Variants in ABRAXAS2 observed in about 807,000 individuals in gnomAD.
ABRAXAS2 encodes the protein abraxas 2, BRISC complex subunit.
A neutral mutation model predicts 49.0 loss-of-function variants in ABRAXAS2; 23 were observed. The observed-to-expected ratio is 0.47, with a 90% CI of 0.34 to 0.66. ABRAXAS2 has a LOEUF of 0.66. Ranked by LOEUF, ABRAXAS2 falls within the 30% of genes least tolerant of loss-of-function variation. ABRAXAS2 has a pLI of 0.01. For missense variants in ABRAXAS2, 443 were observed against 511.9 expected (o/e 0.87, Z 1.30); for synonymous variants, 168 against 180.2 (o/e 0.93, Z 0.54).
At chr10:124,802,140 C>A (rs932563952) in intron 1 of ABRAXAS2, among the ~76,000 whole-genome samples, 2 of 152,216 alleles carry the variant, frequency 1.3e-5, no homozygotes, top group African/African-American at 2.4e-5. Context: ...CCGGCACAGC[C>A]GTCTCCCGTG....
At chr10:124,822,619 C>T (rs1205865181) in intron 4 of ABRAXAS2, among the ~76,000 whole-genome samples, 1 of 151,924 alleles carries the variant, frequency 6.6e-6, no homozygotes, top group Admixed American at 6.6e-5. Flanking sequence ...ATGGCAAAAC[C>T]CTGTCTCTAC....
rs1393578974 is a variant in ABRAXAS2 at position 124,827,075 on chromosome 10, G to C, written c.458+290G>C. 2.1e-5 allele frequency among the ~76,000 whole-genome samples: 3 copies of C among 141,298 alleles called. No individual in the cohort carries two copies. In the East Asian group the frequency reaches 6.5e-4, roughly 31 times the overall value. 92.7% of individuals were successfully genotyped at this position (141,298 alleles called of 152,430 possible). On this transcript the variant is annotated intron_variant, in intron 5 of 8. Transcript: ENST00000298492. ...GCCACTGCACTCCTGCCTGGCAACA[G>C]AGCAAGAATCCATCTCAAAAAAAAA...
At chr10:124,803,957 A>T (rs1176494824) in intron 1 of ABRAXAS2, among the ~76,000 whole-genome samples, 1 of 152,168 alleles carries the variant, frequency 6.6e-6, no homozygotes, top group Non-Finnish European at 1.5e-5. Flanking sequence ...ATTAGGCTGG[A>T]ATTAGTCCCC....
At chr10:124,829,921 T>C (rs989170237) in intron 7 of ABRAXAS2, among the ~76,000 whole-genome samples, 2 of 152,192 alleles carry the variant, frequency 1.3e-5, no homozygotes, top group African/African-American at 4.8e-5. Context: ...TGTTCACTCC[T>C]AGTCATTTAT....
intron 1 of ABRAXAS2, among the ~76,000 whole-genome samples, chr10:124,804,916 G>T (rs1950730523): frequency 1.3e-5 from 2 of 151,608 alleles, no homozygotes; most frequent in Admixed American, 6.6e-5. Context: ...GTTTCTCCAT[G>T]TTGGCCAGGC....
chr10:124,815,749 C>T (rs1393556823), intron 2 of ABRAXAS2, among the ~76,000 whole-genome samples: 1 of 152,122 alleles, frequency 6.6e-6, no homozygotes, highest in Non-Finnish European at 1.5e-5. Context: ...TCCCTTGGTA[C>T]TGACCATCTT....
chr10:124,805,538 T>G (rs906102770), intron 1 of ABRAXAS2, among the ~76,000 whole-genome samples: 7 of 152,214 alleles, frequency 4.6e-5, no homozygotes, highest in Non-Finnish European at 7.3e-5. Flanking sequence ...TGTTAGGCAT[T>G]GTGCTGGGTG....
At chr10:124,809,614 GA>G (rs1423919741) in intron 2 of ABRAXAS2, among the ~76,000 whole-genome samples, 1 of 151,972 alleles carries the variant, frequency 6.6e-6, no homozygotes, top group Non-Finnish European at 1.5e-5. Context: ...GTTAGGTCAG[GA>G]TTAAGGGGAA....
At chr10:124,812,449 G>A (rs536297492) in intron 2 of ABRAXAS2, among the ~76,000 whole-genome samples, 14 of 152,016 alleles carry the variant, frequency 9.2e-5, no homozygotes, top group Admixed American at 3.9e-4. Flanking sequence ...GTTCAAGACC[G>A]GCTTGGACAA....
At position 124,832,144 on chromosome 10, in the gene ABRAXAS2, T is replaced by A. The variant is rs142277275; in HGVS notation, c.778+681T>A. Among the ~76,000 whole-genome samples the A allele has an allele frequency of 1.3e-5, 2 of 151,764 alleles. 1 individual carries two copies. The highest frequency in any genetic ancestry group is 4.2e-4 in the South Asian group (2 of 4,810). On this transcript the variant is annotated intron_variant, in intron 8 of 8. Coordinates refer to ENST00000298492, the MANE Select transcript of ABRAXAS2 (RefSeq NM_032182.4). ...AAAGTGCTGGGATTACAGGTGTGAGTCACCACACCTAGTCTGTGTCCTGTT... is the reference window on the plus strand; with the variant it reads ...AAAGTGCTGGGATTACAGGTGTGAGACACCACACCTAGTCTGTGTCCTGTT...
At chr10:124,829,541 T>A in intron 7 of ABRAXAS2, 64 bp downstream of exon 7, 1 of 1,096,270 alleles carries the variant, frequency 9.1e-7, no homozygotes, top group Non-Finnish European at 1.4e-6. Context: ...AATTCTACTT[T>A]AATTTTGAAT....
intron 2 of ABRAXAS2, among the ~76,000 whole-genome samples, chr10:124,813,636 G>A (rs868025708): frequency 2.0e-5 from 3 of 152,134 alleles, no homozygotes; most frequent in South Asian, 2.1e-4. Context: ...AGTTCATTTC[G>A]ATCTGCAGCT....
chr10:124,803,871 A>G (rs1950722940), intron 1 of ABRAXAS2, among the ~76,000 whole-genome samples: 1 of 152,228 alleles, frequency 6.6e-6, no homozygotes, highest in Non-Finnish European at 1.5e-5. Context: ...ATTGCACTCC[A>G]GCCTGGGCTA....
chr10:124,806,327 A>C (rs1445448125), intron 1 of ABRAXAS2, among the ~76,000 whole-genome samples: 1 of 151,976 alleles, frequency 6.6e-6, no homozygotes, highest in Non-Finnish European at 1.5e-5. Flanking sequence ...AAAAAAAAAA[A>C]GACAAGAAAA....
chr10:124,830,088 A>G (rs76536176), intron 7 of ABRAXAS2, among the ~76,000 whole-genome samples: 5,211 of 152,268 alleles, frequency 0.034, 134 homozygotes, highest in Non-Finnish European at 0.046. Context: ...GCCTTTGAGT[A>G]CAGCAAAGAA....
At chr10:124,817,615 C>T (rs963753918) in intron 3 of ABRAXAS2, among the ~76,000 whole-genome samples, 4 of 152,286 alleles carry the variant, frequency 2.6e-5, no homozygotes, top group African/African-American at 9.6e-5. Flanking sequence ...GTAACGCCAG[C>T]CAGCCCTTTC....
chr10:124,807,169 C>G (rs925616677), intron 2 of ABRAXAS2, among the ~76,000 whole-genome samples: 6 of 151,888 alleles, frequency 4.0e-5, no homozygotes, highest in African/African-American at 1.4e-4. Context: ...AAAAATTAGC[C>G]GGGCATGGTG....
chr10:124,818,818 T>C (rs768776261), intron 3 of ABRAXAS2, among the ~76,000 whole-genome samples: 1 of 152,202 alleles, frequency 6.6e-6, no homozygotes, highest in Non-Finnish European at 1.5e-5. Flanking sequence ...TGGCTTCAAA[T>C]TCCAGCCCTT....
intron 2 of ABRAXAS2, among the ~76,000 whole-genome samples, chr10:124,814,192 T>C (rs1950808587): frequency 1.3e-5 from 2 of 151,904 alleles, no homozygotes; most frequent in African/African-American, 2.4e-5. Flanking sequence ...GGTTTCACCT[T>C]TTGGTCAGGC....
Sources: gnomAD v4.1 joint callset for allele counts (sites outside exome capture counted in the v4.1 genomes callset) on GRCh38, gnomAD v4.1.1 for gene constraint, MANE v1.5 for transcripts, NCBI Gene and HGNC (gene_info 2026-07-23, HGNC 2026-07-21) for gene names.